The following CABIN1 variants were observed in gnomAD, a reference collection of about 807,000 sequenced individuals.
CABIN1 encodes calcineurin binding protein 1.
Under a neutral mutation model 227.7 loss-of-function variants are expected in CABIN1, and 133 were observed. The observed-to-expected ratio is 0.58, with a 90% CI of 0.51 to 0.67. CABIN1 has a LOEUF of 0.67. CABIN1 is among the 30% of genes least tolerant of loss of function. The pLI is 0.00. For missense variants in CABIN1, 2,408 were observed against 2,852.5 expected (o/e 0.84, Z 3.55); for synonymous variants, 1,086 against 1,155.1 (o/e 0.94, Z 1.21).
intron 27 of CABIN1, among the ~76,000 whole-genome samples, chr22:24,115,138 A>T (rs1330927068): frequency 6.6e-6 from 1 of 152,230 alleles, no homozygotes; most frequent in African/African-American, 2.4e-5. Flanking sequence ...TTTAAAACTT[A>T]TCAGACAAGT....
chr22:24,153,174 A>G (rs1239638111), intron 29 of CABIN1, among the ~76,000 whole-genome samples: 2 of 152,236 alleles, frequency 1.3e-5, no homozygotes, highest in South Asian at 2.1e-4. Context: ...ACGTGAGCCA[A>G]AGGCCAAGCA....
chr22:24,134,015 G>T (rs992576625), intron 28 of CABIN1, among the ~76,000 whole-genome samples: 1 of 152,252 alleles, frequency 6.6e-6, no homozygotes, highest in African/African-American at 2.4e-5. Flanking sequence ...TGGCAGGTTT[G>T]TAGGGTTGGT....
At chr22:24,092,019 A>C in intron 24 of CABIN1, 176 bp downstream of exon 24, 2 of 739,472 alleles carry the variant, frequency 2.7e-6, no homozygotes, top group Non-Finnish European at 4.3e-6. Context: ...TCTTTTCCCA[A>C]GGGGTGTTTA....
chr22:24,041,279 G>A lies in CABIN1; in HGVS notation c.345+6G>A. 1 of 1,614,208 alleles carries A rather than the reference G, an allele frequency of 6.2e-7. No individual in the cohort carries two copies. The highest frequency in any genetic ancestry group is 8.5e-7 in the Non-Finnish European group (1 of 1,180,032). On this transcript the variant is annotated splice_donor_region_variant and intron_variant, in intron 5 of 36. Coordinates refer to ENST00000263119, the MANE Select transcript of CABIN1 (RefSeq NM_012295.4). Reference sequence around the variant, plus strand: ...CCATGGAGTTCTACTTAGAGGTGTGGTTTTGGCAGTGCTTAGCTACCTTGG... The same window carrying A: ...CCATGGAGTTCTACTTAGAGGTGTGATTTTGGCAGTGCTTAGCTACCTTGG...
At chr22:24,066,710 G>A (rs1050909479) in intron 15 of CABIN1, among the ~76,000 whole-genome samples, 14 of 152,234 alleles carry the variant, frequency 9.2e-5, no homozygotes, top group Admixed American at 9.2e-4. Flanking sequence ...CTTGGTGGAT[G>A]CTTTCCTGGA....
chr22:24,089,513 C>A (rs544195074), intron 23 of CABIN1, among the ~76,000 whole-genome samples: 3 of 152,130 alleles, frequency 2.0e-5, no homozygotes, highest in Admixed American at 2.0e-4. Context: ...TGCAGATGTC[C>A]CGACAGGGAG....
At chr22:24,147,402 TTCCC>T (rs2045213729) in intron 29 of CABIN1, among the ~76,000 whole-genome samples, 1 of 143,964 alleles carries the variant, frequency 6.9e-6, no homozygotes, top group East Asian at 2.2e-4. Flanking sequence ...CCTTCCTTCC[TTCCC>T]TCCACCTCTC....
chr22:24,097,597 A>T (rs148609277), intron 25 of CABIN1, among the ~76,000 whole-genome samples: 1 of 152,242 alleles, frequency 6.6e-6, no homozygotes, highest in Non-Finnish European at 1.5e-5. Context: ...TGCAGCACAT[A>T]TCCTTGTACA....
chr22:24,171,464 T>C (rs1177044077), intron 33 of CABIN1, among the ~76,000 whole-genome samples: 1 of 152,182 alleles, frequency 6.6e-6, no homozygotes. Flanking sequence ...CAGTACGGCC[T>C]GGACATTCTC....
intron 1 of CABIN1, among the ~76,000 whole-genome samples, chr22:24,031,380 C>T (rs1162239613): frequency 6.6e-6 from 1 of 152,138 alleles, no homozygotes; most frequent in Non-Finnish European, 1.5e-5. Context: ...AAGCTATTGT[C>T]GCCATTTTAT....
At chr22:24,048,234 T>G (rs954170730) in intron 6 of CABIN1, among the ~76,000 whole-genome samples, 3 of 152,150 alleles carry the variant, frequency 2.0e-5, no homozygotes, top group Non-Finnish European at 4.4e-5. Flanking sequence ...AAGTTTTATG[T>G]GTATAATGGA....
At chr22:24,102,850 G>A (rs1043852433) in intron 26 of CABIN1, among the ~76,000 whole-genome samples, 1 of 152,106 alleles carries the variant, frequency 6.6e-6, no homozygotes, top group Admixed American at 6.5e-5. Flanking sequence ...GTTGTAGGGT[G>A]TGGGCCTCAC....
At position 24,072,353 on chromosome 22, in the gene CABIN1, G is replaced by T. The variant is rs918540829; in HGVS notation, c.2476-1G>T. 3 of 1,614,160 alleles carry T rather than the reference G, an allele frequency of 1.9e-6. No individual in the cohort carries two copies. Among genetic ancestry groups the T allele is most frequent in the Non-Finnish European group, 2.5e-6 (3 of 1,180,026 alleles). ...TGCTGTCTCCCACCCCGCACTGTCA[G>T]GTCATTGACTGCAGCATGGCTGTGC... is the stretch of plus-strand genomic sequence containing the variant. On this transcript the variant is annotated splice_acceptor_variant, in intron 17 of 36. Transcript: ENST00000263119. LOFTEE classifies it high-confidence loss of function.
chr22:24,081,810 T>C (rs2040824701), intron 19 of CABIN1, among the ~76,000 whole-genome samples: 1 of 152,072 alleles, frequency 6.6e-6, no homozygotes, highest in African/African-American at 2.4e-5. Flanking sequence ...GTGGATCACC[T>C]GAGATCAGGA....
intron 5 of CABIN1, 88 bp from the exon 6 acceptor site, chr22:24,042,816 G>C (rs754768585): frequency 8.6e-7 from 1 of 1,164,672 alleles, no homozygotes; most frequent in Non-Finnish European, 1.2e-6. Context: ...GGAGAGATCT[G>C]ACTGTGTGTG....
rs187532207 is a variant in CABIN1, at chr22:24,040,272, A to G, written c.211-867A>G. 2.6e-4 allele frequency among the ~76,000 whole-genome samples: 39 copies of G among 152,316 alleles called. 1 individual carries two copies. The highest frequency in any genetic ancestry group is 9.1e-4 in the African/African-American group (38 of 41,568). ...GAATGGGGCTTCATTTGAGCTTCTC[A>G]GTCTTAAAGAAGTTCCTTAAGACCT... On this transcript the variant is annotated intron_variant, in intron 4 of 36. Coordinates refer to ENST00000263119, the MANE Select transcript of CABIN1 (RefSeq NM_012295.4).
intron 26 of CABIN1, 149 bp downstream of exon 26, chr22:24,098,341 T>C: frequency 6.8e-7 from 1 of 1,471,658 alleles, no homozygotes; most frequent in Non-Finnish European, 9.2e-7. Context: ...CTCATTAACC[T>C]CATGGATTCA....
intron 8 of CABIN1, among the ~76,000 whole-genome samples, chr22:24,051,216 C>T (rs2038307981): frequency 6.6e-6 from 1 of 152,198 alleles, no homozygotes; most frequent in Admixed American, 6.5e-5. Flanking sequence ...TTCTTGACCC[C>T]AGCCACCTGC....
intron 24 of CABIN1, among the ~76,000 whole-genome samples, chr22:24,095,054 A>G (rs1157728236): frequency 6.6e-6 from 1 of 152,120 alleles, no homozygotes; most frequent in Non-Finnish European, 1.5e-5. Context: ...TGCTGGGCCA[A>G]TTTCTCTGGG....
Sources: allele counts gnomAD v4.1 joint callset (sites outside exome capture counted in the v4.1 genomes callset), GRCh38; gene constraint gnomAD v4.1.1; transcripts MANE v1.5; gene names NCBI Gene and HGNC (gene_info 2026-07-23, HGNC 2026-07-21).